RYR3: variants seen among roughly 807,000 people sequenced by gnomAD.
The protein encoded by RYR3 is brain ryanodine receptor-calcium release channel.
In RYR3, 207 loss-of-function variants were observed where a neutral mutation model predicts 584.3. The ratio of observed to expected loss-of-function variants is 0.35; its 90% confidence interval spans 0.32 to 0.40. The LOEUF (loss-of-function observed/expected upper bound fraction) is 0.40, where lower values mean the gene tolerates loss of function less well. Ranked by LOEUF, RYR3 falls within the 10% of genes least tolerant of loss-of-function variation. The pLI is 1.00. For synonymous variants in RYR3, 2,416 were observed against 2,248.5 expected (o/e 1.07, Z -2.11); for missense variants, 5,616 against 6,089.2 (o/e 0.92, Z 2.59).
intron 64 of RYR3, among the ~76,000 whole-genome samples, chr15:33,776,161 A>G (rs1348523750): frequency 6.6e-6 from 1 of 152,178 alleles, no homozygotes; most frequent in East Asian, 1.9e-4. Flanking sequence ...CACCTGGAGT[A>G]TGCTTTGTAG....
intron 60 of RYR3, among the ~76,000 whole-genome samples, chr15:33,766,626 G>T (rs1476676661): frequency 6.6e-6 from 1 of 152,214 alleles, no homozygotes; most frequent in African/African-American, 2.4e-5. Flanking sequence ...GTCACGGCTG[G>T]AATACAACCT....
chr15:33,647,222 A>G (rs1339899614), intron 29 of RYR3, among the ~76,000 whole-genome samples: 2 of 152,218 alleles, frequency 1.3e-5, no homozygotes, highest in Non-Finnish European at 2.9e-5. Flanking sequence ...GCTGAGGGAT[A>G]AGAGTTGGGA....
chr15:33,831,972 A>T (rs920909269), intron 86 of RYR3, among the ~76,000 whole-genome samples: 1 of 152,164 alleles, frequency 6.6e-6, no homozygotes, highest in African/African-American at 2.4e-5. Flanking sequence ...GAGAAAATAC[A>T]TATGCACAAG....
chr15:33,690,929 G>C (rs566519407), intron 38 of RYR3, among the ~76,000 whole-genome samples: 2 of 152,120 alleles, frequency 1.3e-5, no homozygotes. Context: ...AAAACAAAGT[G>C]ATATTTCTTT....
chr15:33,311,042 AGCCATG>A lies in RYR3; in HGVS notation c.1_6del (p.MetAla1_?2). The A allele has an allele frequency of 4.4e-6, 7 of 1,579,754 alleles. No individual in the cohort carries two copies. The highest frequency in any genetic ancestry group is 6.0e-6 in the Non-Finnish European group (7 of 1,164,646). ...GCTGGGGCACCGCCGACGCCTCGGG[AGCCATG>A]GCCGAAGGGGGAGAAGGAGGCGAGG... On this transcript the variant is annotated start_lost and 5_prime_UTR_variant, in exon 1 of 104. Transcript: ENST00000634891. This position sits in a 1 kb window ranked among gnomAD's most constrained non-coding sequence, Gnocchi z 4.4.
chr15:33,555,934 G>T (rs1358282482), intron 10 of RYR3, among the ~76,000 whole-genome samples: 1 of 152,146 alleles, frequency 6.6e-6, no homozygotes, highest in African/African-American at 2.4e-5. Flanking sequence ...GTTTTTAAGG[G>T]CAATACGAAG....
At position 33,810,989 on chromosome 15, in the gene RYR3, T is replaced by A. The variant is rs2076503468; in HGVS notation, c.10209T>A (p.Asp3403Glu). ...ATCTCTTTCCACAGAGGGACACAGA[T>A]GAAGAGGTCAGAGAACATCTGCGGA... ...AKSRYSHRDT[D>E]EEVREHLRNN... Residue 3403 changes from aspartate (D) to glutamate (E), a missense_variant, in exon 72 of 104, where the codon GAT becomes GAA. Asp to Glu is a conservative substitution (Grantham distance 45). Transcript: ENST00000634891. 6.2e-7 allele frequency: 1 copy of A among 1,608,070 alleles called. No homozygotes were observed. Among genetic ancestry groups the A allele is most frequent in the African/African-American group, 1.3e-5 (1 of 74,840 alleles).
chr15:33,787,214 C>G (rs540311029), intron 66 of RYR3, among the ~76,000 whole-genome samples: 1 of 152,232 alleles, frequency 6.6e-6, no homozygotes, highest in African/African-American at 2.4e-5. Flanking sequence ...AGTAGTAACC[C>G]CAAATCACCC....
intron 67 of RYR3, among the ~76,000 whole-genome samples, chr15:33,795,339 G>A (rs1181804399): frequency 6.6e-6 from 1 of 151,508 alleles, no homozygotes; most frequent in African/African-American, 2.4e-5. Flanking sequence ...CGCATGCCAG[G>A]AGATAAAAAT....
intron 38 of RYR3, among the ~76,000 whole-genome samples, chr15:33,695,039 G>T (rs377607664): frequency 6.6e-6 from 1 of 152,158 alleles, no homozygotes; most frequent in Non-Finnish European, 1.5e-5. Flanking sequence ...GAGATGCCAC[G>T]GGCTACCAGA....
At chr15:33,756,398 AT>A in intron 59 of RYR3, 25 bp downstream of exon 59, 1 of 1,508,220 alleles carries the variant, frequency 6.6e-7, no homozygotes, top group Non-Finnish European at 9.1e-7. Flanking sequence ...ACTTAATCAA[AT>A]TACTTTCTTC....
chr15:33,840,133 A>G (rs1412970181), intron 89 of RYR3, among the ~76,000 whole-genome samples: 2 of 152,210 alleles, frequency 1.3e-5, no homozygotes, highest in African/African-American at 4.8e-5. Flanking sequence ...AGAAATAGGT[A>G]GAGGAGGCTT....
chr15:33,823,743 G>C (rs558499765), intron 81 of RYR3, among the ~76,000 whole-genome samples: 2 of 152,262 alleles, frequency 1.3e-5, no homozygotes, highest in South Asian at 4.1e-4. Flanking sequence ...ATTCAGAGAT[G>C]AGCCAGAATC....
intron 1 of RYR3, among the ~76,000 whole-genome samples, chr15:33,452,508 T>C (rs1368687264): frequency 6.6e-6 from 1 of 152,174 alleles, no homozygotes; most frequent in Non-Finnish European, 1.5e-5. Flanking sequence ...ACATAGGCCA[T>C]TGAGTATTCG....
At chr15:33,598,246 C>CA (rs35785154) in intron 16 of RYR3, among the ~76,000 whole-genome samples, 14,414 of 74,122 alleles carry the variant, frequency 0.19, 1,959 homozygotes, top group African/African-American at 0.39. Flanking sequence ...AAAAATTGCT[C>CA]AAAAAAAAAA....
At position 33,508,445 on chromosome 15, in the gene RYR3, C is replaced by T. The variant is rs191057605; in HGVS notation, c.279+4707C>T. 5.6e-3 allele frequency among the ~76,000 whole-genome samples: 854 copies of T among 151,888 alleles called. 5 individuals are homozygous for T. Among genetic ancestry groups the T allele is most frequent in the Non-Finnish European group, 7.6e-3 (513 of 67,936 alleles). On this transcript the variant is annotated intron_variant, in intron 3 of 103. Transcript: ENST00000634891. Reference sequence around the variant, plus strand: ...CGGGCGGATCACAAGGTCAGGAGATCGAGACCATCCTGGCTAACACAGTGA... The same window carrying T: ...CGGGCGGATCACAAGGTCAGGAGATTGAGACCATCCTGGCTAACACAGTGA...
chr15:33,725,162 C>CACAA (rs1198108189), intron 45 of RYR3, among the ~76,000 whole-genome samples: 16 of 80,290 alleles, frequency 2.0e-4, no homozygotes, highest in Admixed American at 1.6e-3. Context: ...CTTACACACA[C>CACAA]ACACACACAC....
At chr15:33,775,191 A>G (rs1417221149) in intron 64 of RYR3, among the ~76,000 whole-genome samples, 3 of 152,178 alleles carry the variant, frequency 2.0e-5, no homozygotes, top group Non-Finnish European at 4.4e-5. Flanking sequence ...CCATGTTGGT[A>G]GAAGTCAAGG....
In RYR3 at chr15:33,311,180, C is replaced by T; in HGVS notation, c.51+84C>T. 9.2e-7 allele frequency: 1 copy of T among 1,091,590 alleles called. No homozygotes were observed. Among genetic ancestry groups the T allele is most frequent in the Non-Finnish European group, 1.2e-6 (1 of 814,798 alleles). The allele number at this position is 1,091,590 out of a possible 1,614,324, so 67.6% of individuals were successfully genotyped here. A position where few individuals can be genotyped will look rare whatever the true frequency, so the allele number is the denominator to read the frequency against. ...CGAGGAGGGGCTGGCTGCGCTGCGC[C>T]GCGGTGCCGGGTGCCCGGTGCCGGG... On this transcript the variant is annotated intron_variant, in intron 1 of 103. Transcript: ENST00000634891. The surrounding 1 kb of genome is among the most constrained non-coding windows in gnomAD (Gnocchi z 4.4).
Sources: gnomAD v4.1 joint callset for allele counts (sites outside exome capture counted in the v4.1 genomes callset) on GRCh38, gnomAD v4.1.1 for gene constraint, Gnocchi (gnomAD v3.1) non-coding constraint, MANE v1.5 for transcripts, NCBI Gene and HGNC (gene_info 2026-07-23, HGNC 2026-07-21) for gene names.